The following EFNA5 variants were observed in gnomAD, a reference collection of about 807,000 sequenced individuals.
The protein encoded by EFNA5 is ephrin A5.
In EFNA5, 5 loss-of-function variants were observed where a neutral mutation model predicts 22.9. That is an observed-to-expected ratio of 0.22 (90% CI 0.11 to 0.46). EFNA5 has a LOEUF of 0.46. EFNA5 is among the 20% of genes least tolerant of loss of function. The probability of loss-of-function intolerance (pLI) is 0.99; values close to 1 mark genes in which losing one functional copy is unlikely to be tolerated. For missense variants in EFNA5, 237 were observed against 293.3 expected, an observed-to-expected ratio of 0.81 and a Z score of 1.40; for synonymous variants, 113 against 112.2, an observed-to-expected ratio of 1.01 and a Z score of -0.04.
chr5:107,609,586 A>C (rs1221312789), intron 1 of EFNA5, among the ~76,000 whole-genome samples: 3 of 152,194 alleles, frequency 2.0e-5, no homozygotes, highest in African/African-American at 4.8e-5. Flanking sequence ...ATTGCCGCTG[A>C]GCCCACGTGA....
intron 2 of EFNA5, among the ~76,000 whole-genome samples, chr5:107,396,285 G>C (rs1445471889): frequency 6.6e-6 from 1 of 152,104 alleles, no homozygotes; most frequent in African/African-American, 2.4e-5. Flanking sequence ...TTGTGGTTTT[G>C]AGCCAGCTGC....
chr5:107,430,437 A>G (rs1042485111), intron 1 of EFNA5, among the ~76,000 whole-genome samples: 11 of 152,122 alleles, frequency 7.2e-5, no homozygotes, highest in African/African-American at 2.4e-4. Flanking sequence ...AGCTTCCACT[A>G]GCATTTGGCA....
intron 1 of EFNA5, among the ~76,000 whole-genome samples, chr5:107,602,746 A>G (rs1749625905): frequency 6.6e-6 from 1 of 152,194 alleles, no homozygotes; most frequent in Non-Finnish European, 1.5e-5. Flanking sequence ...AAGGAAAGGA[A>G]AGCCGATTTG....
chr5:107,500,224 A>T (rs1321938786), intron 1 of EFNA5, among the ~76,000 whole-genome samples: 1 of 152,222 alleles, frequency 6.6e-6, no homozygotes, highest in Admixed American at 6.5e-5. Flanking sequence ...GTTCCCTGGA[A>T]CTATTTATAA....
chr5:107,453,300 T>C (rs1749607786), intron 1 of EFNA5, among the ~76,000 whole-genome samples: 1 of 152,108 alleles, frequency 6.6e-6, no homozygotes, highest in Non-Finnish European at 1.5e-5. Flanking sequence ...GTTGGTAAAG[T>C]CAGACAATGA....
At chr5:107,553,556 C>A (rs553252686) in intron 1 of EFNA5, among the ~76,000 whole-genome samples, 9 of 152,274 alleles carry the variant, frequency 5.9e-5, no homozygotes, top group Non-Finnish European at 5.9e-5. Context: ...TTTAAACATT[C>A]GGAGGAGACC....
chr5:107,515,096 A>G (rs987843455), intron 1 of EFNA5, among the ~76,000 whole-genome samples: 6 of 152,108 alleles, frequency 3.9e-5, no homozygotes, highest in African/African-American at 9.7e-5. Context: ...AATCAACTAG[A>G]AAGTCCACTT....
At chr5:107,482,327 A>T (rs1247675675) in intron 1 of EFNA5, among the ~76,000 whole-genome samples, 3 of 149,446 alleles carry the variant, frequency 2.0e-5, no homozygotes, top group East Asian at 2.0e-4. Flanking sequence ...AAAAAATGCT[A>T]TTTTTGTTTA....
chr5:107,568,205 A>G (rs1748701399), intron 1 of EFNA5, among the ~76,000 whole-genome samples: 1 of 152,192 alleles, frequency 6.6e-6, no homozygotes, highest in Non-Finnish European at 1.5e-5. Context: ...CCTATATTCA[A>G]GCTTTATACA....
chr5:107,408,719 G>C (rs186445446), intron 2 of EFNA5, among the ~76,000 whole-genome samples: 1 of 152,104 alleles, frequency 6.6e-6, no homozygotes, highest in Non-Finnish European at 1.5e-5. Flanking sequence ...GACTTCTCCT[G>C]GTAAGGCCTT....
chr5:107,550,546 T>C lies in EFNA5; in HGVS notation c.125+119943A>G, dbSNP rs572275626. Among the ~76,000 whole-genome samples, 6 of 152,312 alleles carry C rather than the reference T, an allele frequency of 3.9e-5. No individual in the cohort carries two copies. The East Asian group carries it at 1.2e-3, about 29-fold the overall frequency. On this transcript the variant is annotated intron_variant, in intron 1 of 4. Transcript: ENST00000333274. ...GAAGAAAAACACATACTTTGCAGTA[T>C]TGGTATAATGGCTAAATGATACGAT...
At chr5:107,551,730 CA>C (rs1182390520) in intron 1 of EFNA5, among the ~76,000 whole-genome samples, 2 of 152,128 alleles carry the variant, frequency 1.3e-5, no homozygotes, top group Non-Finnish European at 2.9e-5. Context: ...CCCCTCTTTG[CA>C]GTATCGATTC....
At chr5:107,479,888 A>G (rs1750410885) in intron 1 of EFNA5, among the ~76,000 whole-genome samples, 1 of 152,196 alleles carries the variant, frequency 6.6e-6, no homozygotes, top group African/African-American at 2.4e-5. Context: ...TCTTAAAGTA[A>G]TGGAAAAAAT....
At chr5:107,505,621 T>C (rs1315005926) in intron 1 of EFNA5, among the ~76,000 whole-genome samples, 1 of 152,238 alleles carries the variant, frequency 6.6e-6, no homozygotes, top group African/African-American at 2.4e-5. Flanking sequence ...AGAAAATGTA[T>C]GCAGTAATAG....
chr5:107,492,267 T>A (rs1438395711), intron 1 of EFNA5, among the ~76,000 whole-genome samples: 4 of 152,304 alleles, frequency 2.6e-5, no homozygotes, highest in African/African-American at 9.6e-5. Context: ...AAAAAAATAT[T>A]CAAAATACAT....
At chr5:107,467,293 G>C (rs1383083841) in intron 1 of EFNA5, among the ~76,000 whole-genome samples, 1 of 151,998 alleles carries the variant, frequency 6.6e-6, no homozygotes, top group Non-Finnish European at 1.5e-5. Context: ...ATGATGTAAT[G>C]AGAAAAGTAA....
chr5:107,482,842 C>T (rs867807431), intron 1 of EFNA5, among the ~76,000 whole-genome samples: 13 of 68,244 alleles, frequency 1.9e-4, no homozygotes, highest in African/African-American at 7.6e-4. Flanking sequence ...GTCTCTCTCT[C>T]TCTCTCTCTC....
intron 1 of EFNA5, among the ~76,000 whole-genome samples, chr5:107,504,995 T>C (rs1389244312): frequency 1.3e-5 from 2 of 152,288 alleles, no homozygotes; most frequent in South Asian, 2.1e-4. Flanking sequence ...AAAGGTAGCC[T>C]TTGTTTTTCC....
chr5:107,381,412 T>C (rs763719137), intron 4 of EFNA5, 36 bp from the exon 5 acceptor site: 1 of 1,580,844 alleles, frequency 6.3e-7, no homozygotes, highest in East Asian at 2.3e-5. Flanking sequence ...CAATGAGATT[T>C]CACATCCTTA....
Sources: gnomAD v4.1 joint callset for allele counts (sites outside exome capture counted in the v4.1 genomes callset) on GRCh38, gnomAD v4.1.1 for gene constraint, MANE v1.5 for transcripts, NCBI Gene and HGNC (gene_info 2026-07-23, HGNC 2026-07-21) for gene names.